The following PRUNE2 variants were observed in gnomAD, a reference collection of about 807,000 sequenced individuals.
The protein encoded by PRUNE2 is protein prune homolog 2.
In PRUNE2, 164 loss-of-function variants were observed where a neutral mutation model predicts 252.0. The observed-to-expected ratio is 0.65, with a 90% CI of 0.57 to 0.74. The LOEUF is 0.74. PRUNE2 is among the 30% of genes least tolerant of loss of function. PRUNE2 has a pLI of 0.00. For missense variants in PRUNE2, 3,495 were observed against 3,711.0 expected, an observed-to-expected ratio of 0.94 and a Z score of 1.51; for synonymous variants, 1,292 against 1,350.2, an observed-to-expected ratio of 0.96 and a Z score of 0.94.
intron 6 of PRUNE2, among the ~76,000 whole-genome samples, chr9:76,756,805 G>A (rs1424433191): frequency 6.6e-6 from 1 of 152,118 alleles, no homozygotes; most frequent in Admixed American, 6.5e-5. Context: ...GGACAGGGGG[G>A]TGCCTTGATG....
intron 18 of PRUNE2, among the ~76,000 whole-genome samples, chr9:76,615,924 C>T (rs1829393040): frequency 6.6e-6 from 1 of 151,954 alleles, no homozygotes; most frequent in South Asian, 2.1e-4. Flanking sequence ...CAGACGCCAC[C>T]ATGCCCAGAT....
At chr9:76,727,327 A>C (rs1036749424) in intron 6 of PRUNE2, among the ~76,000 whole-genome samples, 1 of 152,250 alleles carries the variant, frequency 6.6e-6, no homozygotes, top group Non-Finnish European at 1.5e-5. Context: ...AGCAAGACAC[A>C]TGGTTAATTC....
chr9:76,685,865 C>A (rs566424384), intron 9 of PRUNE2, among the ~76,000 whole-genome samples: 4 of 152,194 alleles, frequency 2.6e-5, no homozygotes, highest in Non-Finnish European at 5.9e-5. Context: ...AGGAGTATAT[C>A]AGTCCTTTCA....
rs917301738 is a variant in PRUNE2 at position 76,644,896 on chromosome 9, G to T, written c.8571C>A (p.Asn2857Lys). ...ACTCTGACTCTTGGCCAGAATCTTT[G>T]TTGGCTGTGGGATCTTCTGGAAACA... is the stretch of plus-strand genomic sequence containing the variant. ...FEYTGHDPTANKDSGQESESI... is the reference protein window; with the variant it reads ...FEYTGHDPTAKKDSGQESESI... Residue 2857 changes from asparagine to lysine, a missense_variant, in exon 12 of 19, where the codon AAC becomes AAA. By Grantham distance (94) the Asn-to-Lys change is moderately conservative. Coordinates refer to ENST00000376718, the MANE Select transcript of PRUNE2 (RefSeq NM_015225.3). 6.2e-7 allele frequency: 1 copy of T among 1,613,464 alleles called. No homozygotes were observed. The highest frequency in any genetic ancestry group is 8.5e-7 in the Non-Finnish European group (1 of 1,179,646).
intron 9 of PRUNE2, among the ~76,000 whole-genome samples, chr9:76,699,866 A>T (rs2045729635): frequency 6.6e-6 from 1 of 152,230 alleles, no homozygotes; most frequent in Non-Finnish European, 1.5e-5. Context: ...CTTCCTTTTA[A>T]GAAAGGTCTG....
At chr9:76,675,831 C>T (rs199618690) in intron 9 of PRUNE2, among the ~76,000 whole-genome samples, 18,692 of 117,382 alleles carry the variant, frequency 0.16, 1,829 homozygotes, top group East Asian at 0.26. Flanking sequence ...AACCAAACAC[C>T]GCGTATTCTC....
Position 76,706,027 on chromosome 9 carries a change from C to G in PRUNE2, c.6247G>C (p.Asp2083His). The change falls in exon 8 of 19, where the codon GAT (aspartate) becomes CAT (histidine). Residue 2083 changes from aspartate to histidine, a missense_variant. Physicochemically the swap from Asp to His is moderately conservative, Grantham distance 81. Coordinates refer to ENST00000376718, the MANE Select transcript of PRUNE2 (RefSeq NM_015225.3). ...DAKKPFSLKADGENPDILTHC... is the reference protein window; with the variant it reads ...DAKKPFSLKAHGENPDILTHC... ...GTCAGGATATCAGGATTCTCACCAT[C>G]TGCTTTCAAACTGAAGGGCTTCTTA... 6.2e-7 allele frequency: 1 copy of G among 1,614,060 alleles called. No individual in the cohort carries two copies. The highest frequency in any genetic ancestry group is 8.5e-7 in the Non-Finnish European group (1 of 1,179,894).
In PRUNE2 at chr9:76,706,662, G is replaced by A; in HGVS notation, c.5612C>T (p.Pro1871Leu). The A allele has an allele frequency of 6.2e-7, 1 of 1,613,722 alleles. No individual in the cohort carries two copies. The highest frequency in any genetic ancestry group is 8.5e-7 in the Non-Finnish European group (1 of 1,179,796). ...CACGGGCTCAATATCACCCTGAACT[G>A]GTACTCCCCAGGGACTGGCATTTTG... ...VHQNASPWGVPVQGDIEPVET... is the reference protein window; with the variant it reads ...VHQNASPWGVLVQGDIEPVET... Residue 1871 changes from proline to leucine, a missense_variant, in exon 8 of 19, where the codon CCA becomes CTA. Physicochemically the swap from Pro to Leu is moderately conservative, Grantham distance 98. Transcript: ENST00000376718.
chr9:76,832,348 A>C (rs752154551), intron 4 of PRUNE2, among the ~76,000 whole-genome samples: 2 of 152,112 alleles, frequency 1.3e-5, no homozygotes, highest in Non-Finnish European at 2.9e-5. Context: ...ACCAAAATTG[A>C]CCATCTGTTG....
At chr9:76,646,924 CAAGCCTGT>C (rs1441837519) in intron 11 of PRUNE2, among the ~76,000 whole-genome samples, 1 of 152,150 alleles carries the variant, frequency 6.6e-6, no homozygotes, top group Non-Finnish European at 1.5e-5. Flanking sequence ...TGTGGTGGCT[CAAGCCTGT>C]AATCCCAGCA....
chr9:76,734,867 C>G (rs192237873), intron 6 of PRUNE2, among the ~76,000 whole-genome samples: 2 of 152,178 alleles, frequency 1.3e-5, no homozygotes, highest in African/African-American at 4.8e-5. Context: ...TTGAAGCTCC[C>G]TGTTCCTCTG....
At chr9:76,664,084 C>G (rs1392076030) in intron 9 of PRUNE2, among the ~76,000 whole-genome samples, 1 of 152,152 alleles carries the variant, frequency 6.6e-6, no homozygotes, top group African/African-American at 2.4e-5. Flanking sequence ...AAAGGTGGAG[C>G]CTAATTTCCC....
At chr9:76,650,522 A>G (rs999391342) in intron 11 of PRUNE2, among the ~76,000 whole-genome samples, 8 of 152,202 alleles carry the variant, frequency 5.3e-5, no homozygotes, top group African/African-American at 1.9e-4. Flanking sequence ...ACATATTTAT[A>G]ATCCAACCCT....
At position 76,710,274 on chromosome 9, in the gene PRUNE2, A is replaced by G. The variant is rs2046622878; in HGVS notation, c.2000T>C (p.Ile667Thr). Residue 667 changes from isoleucine (I) to threonine (T), a missense_variant, in exon 8 of 19, where the codon ATT (isoleucine) becomes ACT (threonine). Ile to Thr is a moderately conservative substitution (Grantham distance 89). Transcript: ENST00000376718. ...WGGLEIDSKNIADAWSSSEQE... is the reference protein window; with the variant it reads ...WGGLEIDSKNTADAWSSSEQE... ...TTCACTGGAACTCCACGCATCTGCA[A>G]TATTTTTGGAGTCAATTTCCAAACC... 1 of 1,613,984 alleles carries G rather than the reference A, an allele frequency of 6.2e-7. No homozygotes were observed. Among genetic ancestry groups the G allele is most frequent in the African/African-American group, 1.3e-5 (1 of 75,026 alleles).
chr9:76,639,540 C>T (rs1381219537), intron 12 of PRUNE2, among the ~76,000 whole-genome samples: 3 of 152,070 alleles, frequency 2.0e-5, no homozygotes, highest in Non-Finnish European at 4.4e-5. Context: ...TTTACTGCCA[C>T]GTAATCACTC....
chr9:76,677,994 C>A (rs1190218062), intron 9 of PRUNE2, among the ~76,000 whole-genome samples: 1 of 152,188 alleles, frequency 6.6e-6, no homozygotes. Context: ...TTTGCCAGAG[C>A]CTGCGCCCAG....
At position 76,748,374 on chromosome 9, in the gene PRUNE2, C is replaced by T. The variant is rs528215053; in HGVS notation, c.757-34653G>A. Reference sequence around the variant, plus strand: ...CTCAGATTGTCTGGAGGAGACTGGCCGGAAAGACAACCAGGCCAGCTAATG... The same window carrying T: ...CTCAGATTGTCTGGAGGAGACTGGCTGGAAAGACAACCAGGCCAGCTAATG... On this transcript the variant is annotated intron_variant, in intron 6 of 18. Transcript: ENST00000376718. Among the ~76,000 whole-genome samples the T allele has an allele frequency of 1.1e-4, 16 of 152,180 alleles. No homozygotes were observed. In the East Asian group the frequency reaches 2.5e-3, roughly 24 times the overall value.
At position 76,706,318 on chromosome 9, in the gene PRUNE2, T is replaced by A. The variant is rs200769595; in HGVS notation, c.5956A>T (p.Asn1986Tyr). 20 of 1,613,936 alleles carry A rather than the reference T, an allele frequency of 1.2e-5. No homozygotes were observed. In the Admixed American group the frequency reaches 1.7e-4, roughly 13 times the overall value. ...HAEENSCVTS[N>Y]VSTNEGQETN... ...TCTTGACCTTCATTAGTTGAAACAT[T>A]AGATGTAACACAACTATTTTCCTCT... The change falls in exon 8 of 19, where the codon AAT becomes TAT. Residue 1986 changes from asparagine (N) to tyrosine (Y), a missense_variant. By Grantham distance (143) the Asn-to-Tyr change is moderately radical. Transcript: ENST00000376718.
At chr9:76,752,129 A>G (rs1013473677) in intron 6 of PRUNE2, among the ~76,000 whole-genome samples, 1 of 145,614 alleles carries the variant, frequency 6.9e-6, no homozygotes, top group Admixed American at 7.1e-5. Flanking sequence ...ACGGAGTCTC[A>G]CTCTGTCGCC....
Sources: allele counts gnomAD v4.1 joint callset (sites outside exome capture counted in the v4.1 genomes callset), GRCh38; gene constraint gnomAD v4.1.1; transcripts MANE v1.5; gene names NCBI Gene and HGNC (gene_info 2026-07-23, HGNC 2026-07-21).